DPP6: variants seen among roughly 807,000 people sequenced by gnomAD.
The protein encoded by DPP6 is dipeptidyl peptidase like 6.
Under a neutral mutation model 122.6 loss-of-function variants are expected in DPP6, and 69 were observed. The observed-to-expected ratio is 0.56, with a 90% CI of 0.46 to 0.69. The LOEUF is 0.69. DPP6 is among the 30% of genes least tolerant of loss of function. The pLI is 0.00. For synonymous variants in DPP6, 418 were observed against 433.1 expected (o/e 0.97, Z 0.43); for missense variants, 928 against 1,116.9 (o/e 0.83, Z 2.41).
At chr7:153,823,684 G>A in the DPP6 span, among the ~76,000 whole-genome samples, 2 of 151,612 alleles carry the variant, frequency 1.3e-5, no homozygotes, top group African/African-American at 2.4e-5. Flanking sequence ...TTGTCTGGGA[G>A]AGCTGGGAAG....
intron 1 of DPP6, chr7:154,305,335 T>TGC: frequency 9.8e-7 from 1 of 1,024,760 alleles, no homozygotes; most frequent in Non-Finnish European, 1.2e-6. Context: ...TCGTCTTGTC[T>TGC]ACCCACCCTC....
chr7:153,836,808 A>G, the DPP6 span, among the ~76,000 whole-genome samples: 1 of 152,226 alleles, frequency 6.6e-6, no homozygotes, highest in Non-Finnish European at 1.5e-5. Context: ...AAACCAGGTC[A>G]TGAATTCCAG....
rs1371585351 is a variant in DPP6 at position 154,577,618 on chromosome 7, TG to T, written c.627+10704del. Among the ~76,000 whole-genome samples the T allele has an allele frequency of 2.3e-3, 343 of 152,172 alleles. 2 individuals carry two copies. The highest frequency in any genetic ancestry group is 5.7e-3 in the African/African-American group (235 of 41,518). ...CATGAACCAGTGACATGCCTGTAAT[TG>T]GTAAGAAAAGAAGTGAAGAAATGTA... On this transcript the variant is annotated intron_variant, in intron 5 of 25. Transcript: ENST00000377770.
chr7:153,948,092 A>G lies in DPP6; in HGVS notation c.51+60358A>G, dbSNP rs188847417. 5.8e-4 allele frequency among the ~76,000 whole-genome samples: 88 copies of G among 152,312 alleles called. 1 individual carries two copies. The highest frequency in any genetic ancestry group is 1.0e-3 in the Non-Finnish European group (71 of 68,020). ...TTTGGAAAGACCTTGTCTTCAAATA[A>G]GCTCATATTCTGAGGTATTGGGCAT... is the stretch of plus-strand genomic sequence containing the variant. On this transcript the variant is annotated intron_variant, in intron 1 of 25. Transcript: ENST00000404039.
At chr7:154,127,597 TCACACACACACACACACACACACACA>T (rs71182879) in intron 1 of DPP6, among the ~76,000 whole-genome samples, 1 of 136,742 alleles carries the variant, frequency 7.3e-6, no homozygotes, top group Non-Finnish European at 1.5e-5. Flanking sequence ...GAGCAGCATC[TCACACACACACACACACACACACACA>T]CACACACACA....
chr7:153,910,234 C>CTTTTTTCTTTTTTTTTTTTTT (rs750065238), intron 1 of DPP6, among the ~76,000 whole-genome samples: 5 of 137,754 alleles, frequency 3.6e-5, no homozygotes, highest in South Asian at 2.3e-4. Flanking sequence ...TTCTTTCTTT[C>CTTTTTTCTTTTTTTTTTTTTT]TTTTTTTTTT....
intron 1 of DPP6, among the ~76,000 whole-genome samples, chr7:153,959,366 A>G (rs927309589): frequency 6.6e-6 from 1 of 152,090 alleles, no homozygotes; most frequent in Non-Finnish European, 1.5e-5. Context: ...TCTAGGGTCC[A>G]CCTATTTTGG....
intron 1 of DPP6, among the ~76,000 whole-genome samples, chr7:154,019,291 C>T (rs528583276): frequency 9.3e-4 from 141 of 152,248 alleles, no homozygotes; most frequent in African/African-American, 3.3e-3. Context: ...GCCAGCCTCT[C>T]CTTACTCCCT....
At chr7:153,827,412 G>A in the DPP6 span, among the ~76,000 whole-genome samples, 2 of 152,068 alleles carry the variant, frequency 1.3e-5, no homozygotes, top group East Asian at 3.9e-4. Flanking sequence ...GGCATTACAC[G>A]TAAAACAAAT....
At chr7:154,159,501 C>T (rs1302451615) in intron 1 of DPP6, among the ~76,000 whole-genome samples, 4 of 152,250 alleles carry the variant, frequency 2.6e-5, no homozygotes, top group Non-Finnish European at 5.9e-5. Context: ...AGTCTTTGAT[C>T]CTGTCTGCTT....
chr7:154,521,550 T>C (rs991195147), intron 3 of DPP6, among the ~76,000 whole-genome samples: 4 of 152,154 alleles, frequency 2.6e-5, no homozygotes, highest in Non-Finnish European at 2.9e-5. Context: ...TAAAAGCTAT[T>C]TGGGCAATGC....
At chr7:154,812,339 A>ATATACAGCAATATCCTG (rs1324578876) in intron 16 of DPP6, among the ~76,000 whole-genome samples, 1 of 152,216 alleles carries the variant, frequency 6.6e-6, no homozygotes. Context: ...ATTCAGTATT[A>ATATACAGCAATATCCTG]TAACTTATAT....
chr7:154,636,192 C>G (rs1212992473), intron 5 of DPP6, among the ~76,000 whole-genome samples: 1 of 152,156 alleles, frequency 6.6e-6, no homozygotes, highest in Non-Finnish European at 1.5e-5. Flanking sequence ...AGTTCAGAAA[C>G]TCTATATAAT....
chr7:154,211,259 C>G (rs1483859469), intron 1 of DPP6, among the ~76,000 whole-genome samples: 1 of 152,146 alleles, frequency 6.6e-6, no homozygotes, highest in African/African-American at 2.4e-5. Context: ...AACAAGCTGG[C>G]AGACAGCCCC....
At chr7:154,121,822 G>T (rs890645437) in intron 1 of DPP6, among the ~76,000 whole-genome samples, 1 of 152,158 alleles carries the variant, frequency 6.6e-6, no homozygotes, top group Non-Finnish European at 1.5e-5. Context: ...ACCAGAGCAT[G>T]CCAGTGTCAT....
At chr7:154,224,459 A>T (rs1362206472) in intron 1 of DPP6, among the ~76,000 whole-genome samples, 1 of 149,300 alleles carries the variant, frequency 6.7e-6, no homozygotes, top group Non-Finnish European at 1.5e-5. Flanking sequence ...ATGAAACTCA[A>T]CTTTGAGGAA....
At chr7:154,874,005 C>T (rs1452055823) in intron 19 of DPP6, among the ~76,000 whole-genome samples, 2 of 148,134 alleles carry the variant, frequency 1.4e-5, no homozygotes, top group African/African-American at 4.9e-5. Context: ...TGCACACATA[C>T]ACACACATGC....
At chr7:154,460,875 AT>A (rs2151316786) in intron 2 of DPP6, among the ~76,000 whole-genome samples, 1 of 152,278 alleles carries the variant, frequency 6.6e-6, no homozygotes, top group Non-Finnish European at 1.5e-5. Flanking sequence ...TCTTTTAGTT[AT>A]TTAAAAATGC....
intron 5 of DPP6, among the ~76,000 whole-genome samples, chr7:154,617,634 G>C (rs1198338101): frequency 6.6e-6 from 1 of 152,198 alleles, no homozygotes; most frequent in Non-Finnish European, 1.5e-5. Flanking sequence ...TTGGTTGATG[G>C]ATGGACAAAT....
Sources: allele counts gnomAD v4.1 joint callset (sites outside exome capture counted in the v4.1 genomes callset), GRCh38; gene constraint gnomAD v4.1.1; transcripts MANE v1.5; gene names NCBI Gene and HGNC (gene_info 2026-07-23, HGNC 2026-07-21).